Variants in PIP5K1C observed in about 807,000 individuals in gnomAD.
PIP5K1C encodes the protein phosphatidylinositol 4-phosphate 5-kinase type-1 gamma.
A neutral mutation model predicts 80.1 loss-of-function variants in PIP5K1C; 45 were observed. The observed-to-expected ratio is 0.56, with a 90% CI of 0.44 to 0.72. The LOEUF (loss-of-function observed/expected upper bound fraction) is 0.72. Among genes scored for constraint, PIP5K1C ranks in the 30% least tolerant of loss-of-function variants. PIP5K1C has a pLI of 0.00. For missense variants in PIP5K1C, 753 were observed against 954.6 expected (o/e 0.79, Z 2.78); for synonymous variants, 498 against 420.1 (o/e 1.19, Z -2.27).
intron 1 of PIP5K1C, among the ~76,000 whole-genome samples, chr19:3,681,054 G>A (rs1360060133): frequency 6.6e-6 from 1 of 152,134 alleles, no homozygotes; most frequent in African/African-American, 2.4e-5. Flanking sequence ...TAGAGACTGG[G>A]ATGGTAGAAT....
intron 9 of PIP5K1C, 105 bp from the exon 10 acceptor site, chr19:3,647,491 T>A: frequency 1.0e-6 from 1 of 985,234 alleles, no homozygotes; most frequent in Non-Finnish European, 1.6e-6. Context: ...GGCCATGGCC[T>A]CAAGCAGTCG....
At chr19:3,644,600 G>C (rs142132232) in intron 11 of PIP5K1C, among the ~76,000 whole-genome samples, 41 of 152,326 alleles carry the variant, frequency 2.7e-4, no homozygotes, top group African/African-American at 9.9e-4. Flanking sequence ...CCCAGCCCGG[G>C]CAGGGCCCCC....
intron 14 of PIP5K1C, among the ~76,000 whole-genome samples, chr19:3,642,524 G>A (rs188269486): frequency 1.4e-3 from 206 of 152,328 alleles, no homozygotes; most frequent in African/African-American, 4.4e-3. Context: ...CCTGGTGCAC[G>A]TCTGCTGTGT....
At chr19:3,657,815 G>A (rs1038335852) in intron 5 of PIP5K1C, among the ~76,000 whole-genome samples, 8 of 152,010 alleles carry the variant, frequency 5.3e-5, no homozygotes, top group Non-Finnish European at 1.0e-4. Context: ...CCCATCTGTG[G>A]TCCCAGCTAC....
chr19:3,667,698 G>T (rs1490251949), intron 1 of PIP5K1C, among the ~76,000 whole-genome samples: 1 of 152,178 alleles, frequency 6.6e-6, no homozygotes, highest in Non-Finnish European at 1.5e-5. Flanking sequence ...AGGAGGGGAG[G>T]GGAAATAGGG....
chr19:3,695,260 G>A (rs1045360582), intron 1 of PIP5K1C, among the ~76,000 whole-genome samples: 4 of 152,148 alleles, frequency 2.6e-5, no homozygotes, highest in South Asian at 4.1e-4. Context: ...ACACTTTCAC[G>A]AGCCGACTCC....
rs2033716631 is a variant in PIP5K1C, at chr19:3,637,061, C to T, written c.1920+1823G>A. The T allele has an allele frequency of 8.5e-7, 1 of 1,180,742 alleles. No individual in the cohort carries two copies. Among genetic ancestry groups the T allele is most frequent in the African/African-American group, 1.6e-5 (1 of 61,404 alleles). 73.1% of individuals were successfully genotyped at this position (1,180,742 alleles called of 1,614,324 possible). ...GGTGGGTGTGGAGAGACCATCTCCT[C>T]CCCGTCTCCATGGCCCTGCGGTTCA... On this transcript the variant is annotated intron_variant, in intron 16 of 17. Coordinates refer to ENST00000335312, the MANE Select transcript of PIP5K1C (RefSeq NM_012398.3). The surrounding 1 kb of genome is among the most constrained non-coding windows in gnomAD (Gnocchi z 7.0).
At chr19:3,693,331 G>A (rs1290244747) in intron 1 of PIP5K1C, among the ~76,000 whole-genome samples, 2 of 152,126 alleles carry the variant, frequency 1.3e-5, no homozygotes, top group African/African-American at 4.8e-5. Context: ...GGGTCCCCTC[G>A]CACCCCCATG....
At chr19:3,651,202 C>T (rs758283) in intron 8 of PIP5K1C, among the ~76,000 whole-genome samples, 88,733 of 151,908 alleles carry the variant, frequency 0.58, 26,466 homozygotes, top group Middle Eastern at 0.68. Flanking sequence ...TACAGGTGCA[C>T]GTGCCACCAC....
Position 3,696,173 on chromosome 19 carries a change from C to T in PIP5K1C, c.94+4124G>A, listed in dbSNP as rs910822382. On this transcript the variant is annotated intron_variant, in intron 1 of 17. Coordinates refer to ENST00000335312, the MANE Select transcript of PIP5K1C (RefSeq NM_012398.3). This position sits in a 1 kb window ranked among gnomAD's most constrained non-coding sequence, Gnocchi z 4.1. ...TGCTGGGGCCATGCCCTCTTCCTGC[C>T]CAATGCCCACAGGTCTCCCTCGGAT... Among the ~76,000 whole-genome samples, 3 of 152,226 alleles carry T rather than the reference C, an allele frequency of 2.0e-5. No individual in the cohort carries two copies. The highest frequency in any genetic ancestry group is 7.2e-5 in the African/African-American group (3 of 41,452).
At chr19:3,636,874 G>A in intron 16 of PIP5K1C, 1 of 995,818 alleles carries the variant, frequency 1.0e-6, no homozygotes, top group Non-Finnish European at 1.2e-6. Flanking sequence ...TTGCTTATTG[G>A]TCATAATGAC....
chr19:3,693,552 A>T (rs542689963), intron 1 of PIP5K1C, among the ~76,000 whole-genome samples: 1 of 152,296 alleles, frequency 6.6e-6, no homozygotes, highest in Non-Finnish European at 1.5e-5. Context: ...GCGTGAAGGG[A>T]CATGCTGCCG....
rs750279581 is a variant in PIP5K1C at position 3,660,942 on chromosome 19, G to A, written c.468+24C>T. On this transcript the variant is annotated intron_variant, in intron 5 of 17. Transcript: ENST00000335312. ...AACATGTTCTGTTTCAAGCCTGGAA[G>A]CCCGTAACAGCAAATATGCTTACCA... 17 of 1,565,804 alleles carry A rather than the reference G, an allele frequency of 1.1e-5. No homozygotes were observed. In the East Asian group the frequency reaches 2.9e-4, roughly 27 times the overall value.
chr19:3,633,635 T>C, intron 16 of PIP5K1C, 115 bp from the exon 17 acceptor site: 1 of 665,756 alleles, frequency 1.5e-6, no homozygotes, highest in Non-Finnish European at 2.2e-6. Context: ...GAATCCCCCA[T>C]GGAAGACGAG....
chr19:3,698,046 G>A (rs969853404), intron 1 of PIP5K1C, among the ~76,000 whole-genome samples: 6 of 152,232 alleles, frequency 3.9e-5, no homozygotes, highest in Admixed American at 6.5e-5. Context: ...TGGCAGTGCC[G>A]TGGGAAACGG....
At chr19:3,693,132 T>C (rs1164778055) in intron 1 of PIP5K1C, among the ~76,000 whole-genome samples, 1 of 151,960 alleles carries the variant, frequency 6.6e-6, no homozygotes, top group Admixed American at 6.6e-5. Context: ...GGCCCTCTCG[T>C]TCCCCCAGGC....
intron 1 of PIP5K1C, among the ~76,000 whole-genome samples, chr19:3,671,649 G>A (rs1459397084): frequency 1.3e-5 from 2 of 152,214 alleles, no homozygotes; most frequent in Admixed American, 6.5e-5. Context: ...GGCTCCCAGG[G>A]CAGGCAGGAA....
At chr19:3,666,741 ATG>A (rs1424307422) in intron 2 of PIP5K1C, among the ~76,000 whole-genome samples, 22 of 151,512 alleles carry the variant, frequency 1.5e-4, no homozygotes, top group African/African-American at 5.1e-4. Flanking sequence ...GCAGGCAAAC[ATG>A]CACACACACA....
At chr19:3,652,604 C>T (rs999855506) in intron 7 of PIP5K1C, among the ~76,000 whole-genome samples, 6 of 148,294 alleles carry the variant, frequency 4.0e-5, no homozygotes, top group Admixed American at 2.7e-4. Context: ...TCGAAGCTGC[C>T]GGGGTGGGAC....
Sources: allele counts gnomAD v4.1 joint callset (sites outside exome capture counted in the v4.1 genomes callset), GRCh38; gene constraint gnomAD v4.1.1; non-coding constraint Gnocchi (gnomAD v3.1); transcripts MANE v1.5; gene names NCBI Gene and HGNC (gene_info 2026-07-23, HGNC 2026-07-21).